COL21A1: variants seen among roughly 807,000 people sequenced by gnomAD.
COL21A1 encodes collagen alpha-1(XXI) chain.
Under a neutral mutation model 137.9 loss-of-function variants are expected in COL21A1, and 149 were observed. That is an observed-to-expected ratio of 1.08 (90% CI 0.95 to 1.24). The LOEUF is 1.24. Among genes scored for constraint, COL21A1 ranks in the 50% most tolerant of loss-of-function variants. The probability of loss-of-function intolerance (pLI) is 0.00; values close to 1 mark genes in which losing one functional copy is unlikely to be tolerated. For synonymous variants in COL21A1, 456 were observed against 391.5 expected (o/e 1.16, Z -1.95); for missense variants, 1,167 against 1,158.4 (o/e 1.01, Z -0.11).
At chr6:56,237,382 T>C (rs773302794) in intron 1 of COL21A1, among the ~76,000 whole-genome samples, 5 of 152,166 alleles carry the variant, frequency 3.3e-5, no homozygotes, top group South Asian at 2.1e-4. Flanking sequence ...AACTTTATGA[T>C]AAATGCTAAT....
chr6:56,343,769 T>C (rs1582795020), intron 1 of COL21A1, among the ~76,000 whole-genome samples: 1 of 152,168 alleles, frequency 6.6e-6, no homozygotes, highest in South Asian at 2.1e-4. Flanking sequence ...AGCAAGATCC[T>C]GTTTGTACAA....
intron 1 of COL21A1, among the ~76,000 whole-genome samples, chr6:56,282,441 C>A (rs1763806568): frequency 1.3e-5 from 2 of 152,062 alleles, no homozygotes; most frequent in South Asian, 4.1e-4. Context: ...GACAAAGGTA[C>A]AAGGACTAGA....
chr6:56,089,495 TA>T (rs1156277560), intron 17 of COL21A1, among the ~76,000 whole-genome samples: 4 of 152,216 alleles, frequency 2.6e-5, no homozygotes, highest in South Asian at 4.1e-4. Context: ...TACAAGTTTT[TA>T]AAACTGTCAA....
chr6:56,139,246 A>G (rs1039306132), intron 12 of COL21A1, among the ~76,000 whole-genome samples: 2 of 152,156 alleles, frequency 1.3e-5, no homozygotes, highest in African/African-American at 4.8e-5. Context: ...CACTATCATC[A>G]CCAATTTATA....
intron 10 of COL21A1, among the ~76,000 whole-genome samples, chr6:56,149,862 C>A (rs766085456): frequency 3.3e-5 from 5 of 152,170 alleles, no homozygotes; most frequent in Non-Finnish European, 7.3e-5. Context: ...TTGCGCTCAT[C>A]TTCCTAAAAT....
chr6:56,200,618 A>G (rs1288974505), intron 1 of COL21A1, among the ~76,000 whole-genome samples: 1 of 151,812 alleles, frequency 6.6e-6, no homozygotes, highest in Non-Finnish European at 1.5e-5. Flanking sequence ...TCATGTCCCT[A>G]CAAAGGACAT....
chr6:56,093,495 T>G (rs1769047256), intron 17 of COL21A1, among the ~76,000 whole-genome samples: 1 of 151,452 alleles, frequency 6.6e-6, no homozygotes, highest in Non-Finnish European at 1.5e-5. Flanking sequence ...AAAGGATAAG[T>G]TATCAACATA....
chr6:56,297,696 A>C (rs1445523235), intron 1 of COL21A1, among the ~76,000 whole-genome samples: 1 of 152,162 alleles, frequency 6.6e-6, no homozygotes, highest in East Asian at 1.9e-4. Context: ...CATGTTTTAC[A>C]ATGATAATAA....
At chr6:56,170,603 T>C (rs754928842) in intron 5 of COL21A1, 46 bp downstream of exon 5, 1 of 1,318,392 alleles carries the variant, frequency 7.6e-7, no homozygotes, top group Non-Finnish European at 1.1e-6. Context: ...CCAATAGTGC[T>C]TCCCCATGAA....
chr6:56,388,430 G>C (rs779314794), intron 1 of COL21A1, among the ~76,000 whole-genome samples: 19 of 152,184 alleles, frequency 1.2e-4, no homozygotes, highest in Non-Finnish European at 2.5e-4. Flanking sequence ...GGAGGAATGA[G>C]AGAGAAAAAA....
chr6:56,135,068 A>T (rs1011672470), intron 12 of COL21A1, among the ~76,000 whole-genome samples: 3 of 152,202 alleles, frequency 2.0e-5, no homozygotes, highest in African/African-American at 7.2e-5. Flanking sequence ...ATCAGTAATT[A>T]TAATCAACAT....
At chr6:56,326,459 T>C (rs866283743) in intron 1 of COL21A1, among the ~76,000 whole-genome samples, 4 of 151,924 alleles carry the variant, frequency 2.6e-5, no homozygotes, top group African/African-American at 9.7e-5. Context: ...GGCTGTAGCA[T>C]ACCCATTGTT....
chr6:56,119,325 A>G (rs191996800), intron 16 of COL21A1, among the ~76,000 whole-genome samples: 1 of 152,058 alleles, frequency 6.6e-6, no homozygotes, highest in Non-Finnish European at 1.5e-5. Flanking sequence ...CCCATTTACA[A>G]TAGTCACAAA....
At chr6:56,367,544 T>A (rs1484852613) in intron 1 of COL21A1, among the ~76,000 whole-genome samples, 1 of 152,198 alleles carries the variant, frequency 6.6e-6, no homozygotes, top group Non-Finnish European at 1.5e-5. Flanking sequence ...TAAGGGGAGA[T>A]AACCAATCCC....
intron 1 of COL21A1, among the ~76,000 whole-genome samples, chr6:56,216,435 C>T (rs368447297): frequency 2.1e-4 from 32 of 152,180 alleles, no homozygotes; most frequent in South Asian, 1.7e-3. Flanking sequence ...TGCTCACACA[C>T]GCCTAACTTT....
intron 1 of COL21A1, among the ~76,000 whole-genome samples, chr6:56,319,622 G>A (rs1005018872): frequency 6.6e-6 from 1 of 152,178 alleles, no homozygotes; most frequent in Non-Finnish European, 1.5e-5. Context: ...ATAGGCATGA[G>A]CCACTGGGCC....
At chr6:56,358,388 A>G (rs1224427736) in intron 1 of COL21A1, among the ~76,000 whole-genome samples, 9 of 152,176 alleles carry the variant, frequency 5.9e-5, no homozygotes, top group African/African-American at 1.7e-4. Flanking sequence ...TTATATTACA[A>G]TTTGAACATA....
At chr6:56,312,636 A>C (rs999314896) in intron 1 of COL21A1, among the ~76,000 whole-genome samples, 1 of 152,204 alleles carries the variant, frequency 6.6e-6, no homozygotes, top group Non-Finnish European at 1.5e-5. Context: ...TGGATACATG[A>C]ATTGAAGGCT....
intron 1 of COL21A1, among the ~76,000 whole-genome samples, chr6:56,361,775 T>TG (rs1765973498): frequency 6.6e-6 from 1 of 152,048 alleles, no homozygotes; most frequent in Admixed American, 6.6e-5. Context: ...CGTGTGTGTG[T>TG]GTGGTGTGTG....
Sources: gnomAD v4.1 joint callset for allele counts (sites outside exome capture counted in the v4.1 genomes callset) on GRCh38, gnomAD v4.1.1 for gene constraint, MANE v1.5 for transcripts, NCBI Gene and HGNC (gene_info 2026-07-23, HGNC 2026-07-21) for gene names.